Variants in PRDM5 observed in about 807,000 individuals in gnomAD.
The protein encoded by PRDM5 is PR/SET domain 5.
A neutral mutation model predicts 81.2 loss-of-function variants in PRDM5; 56 were observed. That is an observed-to-expected ratio of 0.69 (90% CI 0.56 to 0.86). PRDM5 has a LOEUF of 0.86. Among genes scored for constraint, PRDM5 ranks in the 40% least tolerant of loss-of-function variants. The pLI, the probability that PRDM5 is intolerant of heterozygous loss-of-function variation, is 0.00. For synonymous variants in PRDM5, 267 were observed against 256.4 expected (o/e 1.04, Z -0.39); for missense variants, 697 against 770.1 (o/e 0.91, Z 1.12).
At chr4:120,799,820 A>T (rs568504391) in intron 8 of PRDM5, 75 bp from the exon 9 acceptor site, 1 of 1,564,604 alleles carries the variant, frequency 6.4e-7, no homozygotes, top group East Asian at 2.3e-5. Flanking sequence ...GCAAAAGTGT[A>T]AACATGTGAA....
At chr4:120,790,954 CA>C (rs1313048201) in intron 10 of PRDM5, among the ~76,000 whole-genome samples, 1 of 145,692 alleles carries the variant, frequency 6.9e-6, no homozygotes, top group African/African-American at 2.4e-5. Context: ...AACAAACAAA[CA>C]AAAAAACAGA....
intron 13 of PRDM5, among the ~76,000 whole-genome samples, chr4:120,771,230 C>A (rs1473924148): frequency 6.6e-6 from 1 of 152,126 alleles, no homozygotes; most frequent in Non-Finnish European, 1.5e-5. Flanking sequence ...CGCAACCTCT[C>A]TTCAGACTTA....
In PRDM5 at chr4:120,890,101, T is replaced by A. The variant is rs140282483; in HGVS notation, c.177+17373A>T. ...GAAATATCTGAGCCTGGGTAATTTATAAAGAAAAGAGATTTAATTGGCTCA... is the reference window on the plus strand; with the variant it reads ...GAAATATCTGAGCCTGGGTAATTTAAAAAGAAAAGAGATTTAATTGGCTCA... On this transcript the variant is annotated intron_variant, in intron 2 of 15. Coordinates refer to ENST00000264808, the MANE Select transcript of PRDM5 (RefSeq NM_018699.4). Among the ~76,000 whole-genome samples the A allele has an allele frequency of 7.4e-3, 1,122 of 152,306 alleles. 13 individuals carry two copies. The highest frequency in any genetic ancestry group is 0.026 in the African/African-American group (1,077 of 41,550).
intron 7 of PRDM5, among the ~76,000 whole-genome samples, chr4:120,814,113 A>G (rs949806399): frequency 6.6e-6 from 1 of 152,200 alleles, no homozygotes; most frequent in African/African-American, 2.4e-5. Flanking sequence ...ATGTAGATAA[A>G]TGTTATCTCC....
chr4:120,841,074 T>A (rs1205169858), intron 3 of PRDM5, among the ~76,000 whole-genome samples: 1 of 152,192 alleles, frequency 6.6e-6, no homozygotes, highest in African/African-American at 2.4e-5. Flanking sequence ...CTACCTATCC[T>A]TGTGTTTTTT....
At chr4:120,820,667 T>C (rs184029978) in intron 4 of PRDM5, among the ~76,000 whole-genome samples, 1 of 152,326 alleles carries the variant, frequency 6.6e-6, no homozygotes, top group Admixed American at 6.5e-5. Context: ...CAGAAAGAGA[T>C]GCCAAGAAGC....
chr4:120,826,928 G>T lies in PRDM5; in HGVS notation c.301-5583C>A, dbSNP rs9991843. Among the ~76,000 whole-genome samples, 1,320 of 152,172 alleles carry T rather than the reference G, an allele frequency of 8.7e-3. 23 individuals carry two copies. The highest frequency in any genetic ancestry group is 0.03 in the African/African-American group (1,264 of 41,528). On this transcript the variant is annotated intron_variant, in intron 3 of 15. Transcript: ENST00000264808. Reference sequence around the variant, plus strand: ...TAATAATGATTCTTCTTACAGATTCGAAACAAAACACTAACTGTGAATTTT... The same window carrying T: ...TAATAATGATTCTTCTTACAGATTCTAAACAAAACACTAACTGTGAATTTT...
chr4:120,789,344 T>C (rs1421976714), intron 10 of PRDM5, among the ~76,000 whole-genome samples: 1 of 152,174 alleles, frequency 6.6e-6, no homozygotes, highest in Non-Finnish European at 1.5e-5. Context: ...ACAGATCAAA[T>C]ATTAATTCCA....
intron 14 of PRDM5, among the ~76,000 whole-genome samples, chr4:120,743,191 T>C (rs1180375765): frequency 2.0e-5 from 3 of 151,388 alleles, no homozygotes; most frequent in Admixed American, 6.6e-5. Context: ...GCTTCATAAG[T>C]GAAGGAGAAA....
intron 14 of PRDM5, among the ~76,000 whole-genome samples, chr4:120,727,954 A>AAG (rs1560994234): frequency 6.6e-6 from 1 of 151,008 alleles, no homozygotes; most frequent in African/African-American, 2.5e-5. Flanking sequence ...AAAAAAAAAA[A>AAG]AGAGAGAGAG....
At chr4:120,705,981 G>T (rs1419640063) in intron 15 of PRDM5, among the ~76,000 whole-genome samples, 1 of 152,132 alleles carries the variant, frequency 6.6e-6, no homozygotes, top group Non-Finnish European at 1.5e-5. Context: ...TTTAGAGATG[G>T]TGGTATGTTT....
chr4:120,707,437 C>A (rs1242536898), intron 15 of PRDM5, among the ~76,000 whole-genome samples: 2 of 151,256 alleles, frequency 1.3e-5, no homozygotes, highest in Non-Finnish European at 3.0e-5. Flanking sequence ...GATTTCTCAA[C>A]AAAATAAAGG....
At chr4:120,859,902 C>T (rs1187064957) in intron 2 of PRDM5, among the ~76,000 whole-genome samples, 1 of 152,120 alleles carries the variant, frequency 6.6e-6, no homozygotes, top group African/African-American at 2.4e-5. Flanking sequence ...CCGGGTTATC[C>T]TCATGGGTGC....
intron 3 of PRDM5, among the ~76,000 whole-genome samples, chr4:120,852,453 A>G (rs1295443965): frequency 1.3e-5 from 2 of 152,218 alleles, no homozygotes; most frequent in East Asian, 3.9e-4. Context: ...AGGCTGACCT[A>G]CCCCAGAGTA....
intron 8 of PRDM5, among the ~76,000 whole-genome samples, chr4:120,807,284 C>G (rs1019813807): frequency 1.3e-5 from 2 of 152,212 alleles, no homozygotes; most frequent in Non-Finnish European, 1.5e-5. Context: ...TTGTGGAAGA[C>G]AGTGTAGTGA....
rs959605736 is a variant in PRDM5 at position 120,698,755 on chromosome 4, A to G, written c.1729-3480T>C. ...AAATGTGGCAGTCAACCTTCACCCAATGTCTCACTCTTCCTCATCTGATCT... is the reference window on the plus strand; with the variant it reads ...AAATGTGGCAGTCAACCTTCACCCAGTGTCTCACTCTTCCTCATCTGATCT... On this transcript the variant is annotated intron_variant, in intron 15 of 15. Coordinates refer to ENST00000264808, the MANE Select transcript of PRDM5 (RefSeq NM_018699.4). Among the ~76,000 whole-genome samples the G allele has an allele frequency of 2.6e-5, 4 of 151,942 alleles. No homozygotes were observed. In the South Asian group the frequency reaches 8.3e-4, roughly 31 times the overall value.
At chr4:120,712,883 T>C (rs1483020032) in intron 14 of PRDM5, among the ~76,000 whole-genome samples, 1 of 152,214 alleles carries the variant, frequency 6.6e-6, no homozygotes, top group Non-Finnish European at 1.5e-5. Context: ...TTATTCCCAG[T>C]TGTTCACTCT....
chr4:120,778,109 G>A (rs978787909), intron 12 of PRDM5, among the ~76,000 whole-genome samples: 1 of 152,070 alleles, frequency 6.6e-6, no homozygotes, highest in Non-Finnish European at 1.5e-5. Context: ...TTGGAGAAAA[G>A]GGGAGGTGAA....
chr4:120,871,150 T>A (rs1297581649), intron 2 of PRDM5, among the ~76,000 whole-genome samples: 1 of 152,190 alleles, frequency 6.6e-6, no homozygotes, highest in Non-Finnish European at 1.5e-5. Context: ...AAGTTTTTCC[T>A]CAGGTTGATT....
Sources: allele counts gnomAD v4.1 joint callset (sites outside exome capture counted in the v4.1 genomes callset), GRCh38; gene constraint gnomAD v4.1.1; transcripts MANE v1.5; gene names NCBI Gene and HGNC (gene_info 2026-07-23, HGNC 2026-07-21).